The following DCHS2 variants were observed in gnomAD, a reference collection of about 807,000 sequenced individuals.
DCHS2 encodes the protein protocadherin-23.
Under a neutral mutation model 182.4 loss-of-function variants are expected in DCHS2, and 142 were observed. That is an observed-to-expected ratio of 0.78 (90% CI 0.68 to 0.89). The LOEUF is 0.89. Among genes scored for constraint, DCHS2 ranks in the 40% least tolerant of loss-of-function variants. The pLI is 0.00. For synonymous variants in DCHS2, 1,740 were observed against 1,663.3 expected (o/e 1.05, Z -1.12); for missense variants, 4,319 against 4,198.6 (o/e 1.03, Z -0.79).
At position 154,298,354 on chromosome 4, in the gene DCHS2, C is replaced by T; in HGVS notation, c.5960G>A (p.Gly1987Asp). The T allele has an allele frequency of 6.2e-7, 1 of 1,614,126 alleles. No individual in the cohort carries two copies. ...SGAFTIDPMS[G>D]TLKTSNTLDR... The stretch of plus-strand genomic sequence containing the variant: ...GAGGGTGTTGCTGGTTTTCAATGTG[C>T]CTGACATAGGATCAATGGTGAATGC... The change falls in exon 13 of 20, where the codon GGC (glycine) becomes GAC (aspartate). Residue 1987 changes from glycine to aspartate, a missense_variant. Physicochemically the swap from Gly to Asp is moderately conservative, Grantham distance 94. Transcript: ENST00000357232.
chr4:154,480,300 T>C (rs921650282), intron 1 of DCHS2, among the ~76,000 whole-genome samples: 16 of 152,190 alleles, frequency 1.1e-4, no homozygotes, highest in African/African-American at 3.9e-4. Context: ...CCCATAACAA[T>C]TGCTAATTCT....
At chr4:154,435,944 G>T (rs746253002) in intron 1 of DCHS2, among the ~76,000 whole-genome samples, 1 of 152,180 alleles carries the variant, frequency 6.6e-6, no homozygotes, top group Admixed American at 6.5e-5. Flanking sequence ...ATAGCTAAGT[G>T]TTGAAGGCAT....
intron 15 of DCHS2, 67 bp from the exon 16 acceptor site, chr4:154,255,737 G>T: frequency 6.7e-7 from 1 of 1,487,708 alleles, no homozygotes; most frequent in Non-Finnish European, 9.0e-7. Context: ...CTGTTTTTCA[G>T]AGACATGCAT....
At chr4:154,267,117 G>A (rs552630377) in intron 14 of DCHS2, among the ~76,000 whole-genome samples, 4 of 152,280 alleles carry the variant, frequency 2.6e-5, no homozygotes, top group South Asian at 4.1e-4. Context: ...TTCATGCATG[G>A]CAGCTTTGAT....
chr4:154,395,096 G>T (rs748854473), intron 1 of DCHS2, among the ~76,000 whole-genome samples: 1 of 152,134 alleles, frequency 6.6e-6, no homozygotes, highest in Non-Finnish European at 1.5e-5. Context: ...TGTTTTAAAT[G>T]AGATAATCTG....
chr4:154,310,267 C>T (rs908413391), intron 10 of DCHS2, among the ~76,000 whole-genome samples: 1 of 152,148 alleles, frequency 6.6e-6, no homozygotes, highest in African/African-American at 2.4e-5. Context: ...GAAGATATAA[C>T]ATTGGTTTAG....
intron 1 of DCHS2, among the ~76,000 whole-genome samples, chr4:154,429,830 C>T (rs1733485387): frequency 6.6e-6 from 1 of 152,000 alleles, no homozygotes; most frequent in African/African-American, 2.4e-5. Flanking sequence ...GGAATAAATC[C>T]CTGCTGGGCT....
At chr4:154,266,694 A>C (rs985505182) in intron 14 of DCHS2, among the ~76,000 whole-genome samples, 1 of 151,684 alleles carries the variant, frequency 6.6e-6, no homozygotes, top group Admixed American at 6.6e-5. Context: ...GTTTTTAATC[A>C]AAGTGTTGGT....
intron 2 of DCHS2, chr4:154,374,079 A>G (rs1263788785): frequency 1.2e-6 from 1 of 837,400 alleles, no homozygotes; most frequent in Non-Finnish European, 1.8e-6. Flanking sequence ...CACCTGGATT[A>G]AAGTCAAAAT....
Position 154,236,488 on chromosome 4 carries a change from G to T in DCHS2, c.8164C>A (p.Leu2722Ile). 16 of 1,613,988 alleles carry T rather than the reference G, an allele frequency of 9.9e-6. No individual in the cohort carries two copies. The highest frequency in any genetic ancestry group is 1.4e-5 in the Non-Finnish European group (16 of 1,179,942). Residue 2722 changes from leucine to isoleucine, a missense_variant, in exon 20 of 20, where the codon CTT becomes ATT. By Grantham distance (5) the Leu-to-Ile change is conservative. Transcript: ENST00000357232. The part of the protein sequence containing the change: ...HFYLEENTGV[L>I]YLIKPLDYEK... ...TAATCCAGAGGTTTAATCAAATAAAGAACTCCAGTGTTTTCTTCTAAGTAA... is the reference window on the plus strand; with the variant it reads ...TAATCCAGAGGTTTAATCAAATAAATAACTCCAGTGTTTTCTTCTAAGTAA...
chr4:154,274,609 G>T (rs1486935701), intron 13 of DCHS2, among the ~76,000 whole-genome samples: 1 of 152,008 alleles, frequency 6.6e-6, no homozygotes, highest in Non-Finnish European at 1.5e-5. Flanking sequence ...GGCGTATTTT[G>T]CTCAGTGTAA....
At chr4:154,356,791 C>T (rs959857624) in intron 3 of DCHS2, among the ~76,000 whole-genome samples, 4 of 152,106 alleles carry the variant, frequency 2.6e-5, no homozygotes, top group African/African-American at 9.7e-5. Flanking sequence ...ATGATGTTCA[C>T]ACAACAACGA....
At chr4:154,266,432 G>A (rs184050457) in intron 14 of DCHS2, among the ~76,000 whole-genome samples, 1 of 152,140 alleles carries the variant, frequency 6.6e-6, no homozygotes, top group East Asian at 1.9e-4. Flanking sequence ...TGAAGCGGGT[G>A]GATCACGAGG....
intron 1 of DCHS2, among the ~76,000 whole-genome samples, chr4:154,379,590 T>C (rs920739549): frequency 3.9e-5 from 6 of 152,196 alleles, no homozygotes; most frequent in Non-Finnish European, 8.8e-5. Flanking sequence ...TCTGGCTGTC[T>C]TGCATATATT....
Position 154,235,472 on chromosome 4 carries a change from G to C in DCHS2, c.9180C>G (p.Asn3060Lys). The C allele has an allele frequency of 6.2e-7, 1 of 1,614,008 alleles. No homozygotes were observed. The highest frequency in any genetic ancestry group is 2.2e-5 in the East Asian group (1 of 44,866). ...KAFQKTDDCS[N>K]EVVPVDATPE... ...GAGTGGCATCCACAGGGACCACCTCGTTACTGCAGTCGTCAGTTTTCTGGA... is the reference window on the plus strand; with the variant it reads ...GAGTGGCATCCACAGGGACCACCTCCTTACTGCAGTCGTCAGTTTTCTGGA... Residue 3060 changes from asparagine to lysine, a missense_variant, in exon 20 of 20, where the codon AAC becomes AAG. Asn to Lys is a moderately conservative substitution (Grantham distance 94). Coordinates refer to ENST00000357232, the MANE Select transcript of DCHS2 (RefSeq NM_001358235.2).
chr4:154,391,143 A>AC (rs781474347), intron 1 of DCHS2: 1 of 1,601,736 alleles, frequency 6.2e-7, no homozygotes, highest in Non-Finnish European at 8.5e-7. Flanking sequence ...GCTGATACTT[A>AC]TTTTTAATTT....
At chr4:154,488,478 A>G (rs1178657543) in intron 1 of DCHS2, among the ~76,000 whole-genome samples, 1 of 152,214 alleles carries the variant, frequency 6.6e-6, no homozygotes, top group Non-Finnish European at 1.5e-5. Context: ...GTAGGAAAAC[A>G]TGTAAGAAGT....
In DCHS2 at chr4:154,489,742, G is replaced by A. The variant is rs1475371386; in HGVS notation, c.1614C>T (p.Leu538=). Residue 538 remains leucine (L), a synonymous_variant, in exon 1 of 20, where the codon CTC becomes CTT. Transcript: ENST00000357232. Reference sequence around the variant, plus strand: ...AGGCCTTGTAATGCTGTTGGCTGAAGAGAGGTGGTTGGTCATTGAGGTCAG... The same window carrying A: ...AGGCCTTGTAATGCTGTTGGCTGAAAAGAGGTGGTTGGTCATTGAGGTCAG... ...RVADLNDQPP[L]FSQQHYKASV... 4 of 1,551,678 alleles carry A rather than the reference G, an allele frequency of 2.6e-6. No individual in the cohort carries two copies. The Admixed American group carries it at 7.8e-5, about 30-fold the overall frequency.
intron 1 of DCHS2, among the ~76,000 whole-genome samples, chr4:154,408,392 T>C (rs1330665499): frequency 6.6e-6 from 1 of 152,210 alleles, no homozygotes; most frequent in Non-Finnish European, 1.5e-5. Context: ...AGGAAAACTT[T>C]CATAGGAGAT....
Sources: allele counts gnomAD v4.1 joint callset (sites outside exome capture counted in the v4.1 genomes callset), GRCh38; gene constraint gnomAD v4.1.1; transcripts MANE v1.5; gene names NCBI Gene and HGNC (gene_info 2026-07-23, HGNC 2026-07-21).